SEC61A2: variants seen among roughly 807,000 people sequenced by gnomAD.
SEC61A2 encodes protein transport protein Sec61 subunit alpha isoform 2.
In SEC61A2, 28 loss-of-function variants were observed where a neutral mutation model predicts 59.9. The observed-to-expected ratio is 0.47, with a 90% CI of 0.35 to 0.64. The LOEUF (loss-of-function observed/expected upper bound fraction) is 0.64, where lower values mean the gene tolerates loss of function less well. SEC61A2 is among the 30% of genes least tolerant of loss of function. SEC61A2 has a pLI of 0.01. For synonymous variants in SEC61A2, 202 were observed against 214.4 expected, an observed-to-expected ratio of 0.94 and a Z score of 0.50; for missense variants, 340 against 585.9, an observed-to-expected ratio of 0.58 and a Z score of 4.33.
chr10:12,149,058 T>G lies in SEC61A2; in HGVS notation c.221-537T>G, dbSNP rs1038159047. Among the ~76,000 whole-genome samples, 3 of 152,146 alleles carry G rather than the reference T, an allele frequency of 2.0e-5. No homozygotes were observed. In the East Asian group the frequency reaches 5.8e-4, roughly 29 times the overall value. Reference sequence around the variant, plus strand: ...ATACCTTCCTTATACAGTTGGCATATTTGATTTTCTTATTTCTCCCTATAA... The same window carrying G: ...ATACCTTCCTTATACAGTTGGCATAGTTGATTTTCTTATTTCTCCCTATAA... On this transcript the variant is annotated intron_variant, in intron 4 of 11. Coordinates refer to ENST00000298428, the MANE Select transcript of SEC61A2 (RefSeq NM_018144.4). This position sits in a 1 kb window ranked among gnomAD's most constrained non-coding sequence, Gnocchi z 5.2.
intron 4 of SEC61A2, among the ~76,000 whole-genome samples, chr10:12,146,126 T>A (rs1258612341): frequency 6.6e-6 from 1 of 152,152 alleles, no homozygotes; most frequent in Non-Finnish European, 1.5e-5. Context: ...GTTCAAGCGA[T>A]TTTCCTGCCT....
chr10:12,166,962 A>G (rs1223219650), downstream of SEC61A2: 1 of 230,736 alleles, frequency 4.3e-6, no homozygotes, highest in Non-Finnish European at 9.1e-6. Context: ...CAAACATGTC[A>G]GTCTTACAGA....
chr10:12,150,029 T>A, intron 6 of SEC61A2, 68 bp downstream of exon 6: 1 of 1,014,728 alleles, frequency 9.9e-7, no homozygotes, highest in Non-Finnish European at 1.5e-6. Flanking sequence ...TTTCTAACAG[T>A]TCTTTAGGTG....
chr10:12,161,070 T>C lies in SEC61A2; in HGVS notation c.1116T>C (p.Cys372=). 1 of 1,613,990 alleles carries C rather than the reference T, an allele frequency of 6.2e-7. No homozygotes were observed. The highest frequency in any genetic ancestry group is 8.5e-7 in the Non-Finnish European group (1 of 1,179,922). ...ATATCATCTTCATGTTGGGGTCATGTGCATTCTTCTCTAAGACATGGATTG... is the reference window on the plus strand; with the variant it reads ...ATATCATCTTCATGTTGGGGTCATGCGCATTCTTCTCTAAGACATGGATTG... ...VVYIIFMLGS[C]AFFSKTWIEV... Residue 372 remains cysteine, a synonymous_variant, in exon 10 of 12, where the codon TGT becomes TGC. Coordinates refer to ENST00000298428, the MANE Select transcript of SEC61A2 (RefSeq NM_018144.4). This position sits in a 1 kb window ranked among gnomAD's most constrained non-coding sequence, Gnocchi z 5.4.
In SEC61A2 at chr10:12,165,252, T is replaced by C. The variant is rs1013820720; in HGVS notation, c.*798T>C. 1 of 985,428 alleles carries C rather than the reference T, an allele frequency of 1.0e-6. No homozygotes were observed. The highest frequency in any genetic ancestry group is 1.2e-6 in the Non-Finnish European group (1 of 829,936). 61.0% of individuals were successfully genotyped at this position (985,428 alleles called of 1,614,324 possible). ...TCTAATTCTCAAGCAATGTCTGTAG[T>C]TCAGTGGGGGTGAACAATGAATATA... On this transcript the variant is annotated 3_prime_UTR_variant, in exon 12 of 12. Transcript: ENST00000298428.
In SEC61A2 at chr10:12,136,136, C is replaced by A; in HGVS notation, c.107C>A (p.Ala36Asp). ...TTTAGAGAGAAGGTTCTGTGGACTG[C>A]TATAACGCTCTTCATTTTCTTAGTG... ...IQFREKVLWT[A>D]ITLFIFLVCC... Residue 36 changes from alanine to aspartate, a missense_variant, in exon 3 of 12, where the codon GCT (alanine) becomes GAT (aspartate). Ala to Asp is a moderately radical substitution (Grantham distance 126, BLOSUM62 -2). Transcript: ENST00000298428. 1 of 1,602,926 alleles carries A rather than the reference C, an allele frequency of 6.2e-7. No homozygotes were observed. Among genetic ancestry groups the A allele is most frequent in the Non-Finnish European group, 8.5e-7 (1 of 1,169,960 alleles).
intron 3 of SEC61A2, among the ~76,000 whole-genome samples, chr10:12,136,699 G>A (rs1484635176): frequency 6.6e-6 from 1 of 151,918 alleles, no homozygotes; most frequent in Non-Finnish European, 1.5e-5. Context: ...GTATGATCTC[G>A]ACTCACTGCA....
rs1226975668 is a variant in SEC61A2 at position 12,156,306 on chromosome 10, ATCCACCTGGAGCAC to A, written c.616+379_616+392del. On this transcript the variant is annotated intron_variant, in intron 7 of 11. Coordinates refer to ENST00000298428, the MANE Select transcript of SEC61A2 (RefSeq NM_018144.4). The surrounding 1 kb of genome is among the most constrained non-coding windows in gnomAD (Gnocchi z 5.2). ...AAATGAAAAGACTGTTGTTCATTGA[ATCCACCTGGAGCAC>A]TCCTACTCTGCTGCTCTTCTAATTG... Among the ~76,000 whole-genome samples, 1 of 152,176 alleles carries A rather than the reference ATCCACCTGGAGCAC, an allele frequency of 6.6e-6. No homozygotes were observed. The highest frequency in any genetic ancestry group is 1.5e-5 in the Non-Finnish European group (1 of 68,026).
At chr10:12,147,863 A>C (rs1769957080) in intron 4 of SEC61A2, among the ~76,000 whole-genome samples, 1 of 151,856 alleles carries the variant, frequency 6.6e-6, no homozygotes, top group East Asian at 1.9e-4. Flanking sequence ...TTAAAGCTTG[A>C]TTAAGTCTAT....
intron 2 of SEC61A2, among the ~76,000 whole-genome samples, 199 bp from the exon 3 acceptor site, chr10:12,135,906 T>C (rs927021932): frequency 1.3e-5 from 2 of 152,210 alleles, no homozygotes; most frequent in African/African-American, 4.8e-5. Flanking sequence ...TGTGTGCGTG[T>C]GTGTATATGT....
chr10:12,151,429 A>G (rs1430715462), intron 6 of SEC61A2, among the ~76,000 whole-genome samples: 1 of 148,592 alleles, frequency 6.7e-6, no homozygotes, highest in Non-Finnish European at 1.5e-5. Context: ...TTCCTGCCTC[A>G]GCTTCCTGAG....
intron 3 of SEC61A2, among the ~76,000 whole-genome samples, chr10:12,136,957 G>A (rs541049489): frequency 6.6e-6 from 1 of 152,192 alleles, no homozygotes; most frequent in South Asian, 2.1e-4. Flanking sequence ...GTAGAGATGG[G>A]GTTTTGCTGT....
chr10:12,162,442 CA>C lies in SEC61A2; in HGVS notation c.1244+157del. On this transcript the variant is annotated intron_variant, in intron 11 of 11. Coordinates refer to ENST00000298428, the MANE Select transcript of SEC61A2 (RefSeq NM_018144.4). The surrounding 1 kb of genome is among the most constrained non-coding windows in gnomAD (Gnocchi z 6.1). ...TTCACACAAAACTTGTTTTCCATGT[CA>C]AAACCAACACCTGAATTTTTCATTG... 2.5e-6 allele frequency: 2 copies of C among 786,030 alleles called. No homozygotes were observed. The allele number at this position is 786,030 out of a possible 1,614,324, so 48.7% of individuals were successfully genotyped here.
chr10:12,134,963 A>T (rs973235983), intron 2 of SEC61A2, among the ~76,000 whole-genome samples: 13 of 152,108 alleles, frequency 8.5e-5, no homozygotes, highest in Admixed American at 7.9e-4. Context: ...TAGTACTTCA[A>T]AAAGGGGCAT....
chr10:12,136,041 C>T, intron 2 of SEC61A2, 64 bp from the exon 3 acceptor site: 1 of 1,023,262 alleles, frequency 9.8e-7, no homozygotes, highest in Non-Finnish European at 1.6e-6. Flanking sequence ...CAAAACTCTG[C>T]TGCCCCCCAA....
intron 2 of SEC61A2, among the ~76,000 whole-genome samples, 157 bp downstream of exon 2, chr10:12,133,465 T>C (rs1044606172): frequency 4.6e-5 from 7 of 152,244 alleles, no homozygotes; most frequent in African/African-American, 1.4e-4. Context: ...ATAAAAATAA[T>C]ATAAATCTGT....
chr10:12,138,024 G>T (rs940642655), intron 3 of SEC61A2, among the ~76,000 whole-genome samples: 1 of 151,806 alleles, frequency 6.6e-6, no homozygotes, highest in African/African-American at 2.4e-5. Context: ...TAAATACATA[G>T]ATACATACAT....
At chr10:12,168,036 T>TC, downstream of SEC61A2, 2 of 870,856 alleles carry the variant, frequency 2.3e-6, no homozygotes, top group Non-Finnish European at 3.1e-6. This position sits in a 1 kb window ranked among gnomAD's most constrained non-coding sequence, Gnocchi z 4.8. Flanking sequence ...GATTTTTTTT[T>TC]TTTTTGGTGA....
chr10:12,166,854 A>G (rs148395017), downstream of SEC61A2: 296 of 430,050 alleles, frequency 6.9e-4, no homozygotes, highest in Non-Finnish European at 1.2e-3. Context: ...AACCAGATCA[A>G]TCTGTACTTC....
Sources: allele counts gnomAD v4.1 joint callset (sites outside exome capture counted in the v4.1 genomes callset), GRCh38; gene constraint gnomAD v4.1.1; non-coding constraint Gnocchi (gnomAD v3.1); transcripts MANE v1.5; gene names NCBI Gene and HGNC (gene_info 2026-07-23, HGNC 2026-07-21).